Variants in ERN1 observed in about 807,000 individuals in gnomAD.
ERN1 encodes the protein endoplasmic reticulum to nucleus signaling 1, also known as serine/threonine-protein kinase/endoribonuclease IRE1.
A neutral mutation model predicts 113.1 loss-of-function variants in ERN1; 39 were observed. The ratio of observed to expected loss-of-function variants is 0.34; its 90% CI spans 0.27 to 0.45. The LOEUF is 0.45. Ranked by LOEUF, ERN1 falls within the 20% of genes least tolerant of loss-of-function variation. The pLI is 1.00. For missense variants in ERN1, 976 were observed against 1,274.8 expected (o/e 0.77, Z 3.57); for synonymous variants, 507 against 515.9 (o/e 0.98, Z 0.23).
chr17:64,048,959 G>A, intron 18 of ERN1, 96 bp downstream of exon 18: 2 of 1,261,520 alleles, frequency 1.6e-6, no homozygotes, highest in Non-Finnish European at 1.1e-6. Flanking sequence ...GGGCACCACG[G>A]CCTCTGTGAG....
intron 2 of ERN1, among the ~76,000 whole-genome samples, chr17:64,084,650 C>T (rs148998728): frequency 1.3e-5 from 2 of 152,306 alleles, no homozygotes; most frequent in East Asian, 3.9e-4. Context: ...AGGCATAAAT[C>T]AGATTAAGCT....
chr17:64,044,120 T>C lies in ERN1; in HGVS notation c.2802A>G (p.Thr934=), dbSNP rs196912. Reference sequence around the variant, plus strand: ...GTGCGAGGAGGTGGGGGAAGCGAGATGTGAAGTAGCACACGAAGTCGTCGG... The same window carrying C: ...GTGCGAGGAGGTGGGGGAAGCGAGACGTGAAGTAGCACACGAAGTCGTCGG... ...SLPDDFVCYF[T]SRFPHLLAHT... is the part of the protein sequence containing the mutation. Residue 934 remains threonine (T), a synonymous_variant, in exon 22 of 22, where the codon ACA becomes ACG. Transcript: ENST00000433197. The surrounding 1 kb of genome is among the most constrained non-coding windows in gnomAD (Gnocchi z 4.1). 1,167,929 of 1,609,910 alleles carry C rather than the reference T, an allele frequency of 0.73. 433,215 individuals carry two copies. The highest frequency in any genetic ancestry group is 0.76 in the Non-Finnish European group (896,036 of 1,177,766).
intron 9 of ERN1, among the ~76,000 whole-genome samples, chr17:64,064,666 C>T (rs1477932874): frequency 3.3e-5 from 5 of 152,176 alleles, no homozygotes; most frequent in Non-Finnish European, 5.9e-5. Context: ...AGGATTATGA[C>T]GCCTTGGACT....
chr17:64,125,117 T>C (rs1407383257), intron 1 of ERN1, among the ~76,000 whole-genome samples: 1 of 152,344 alleles, frequency 6.6e-6, no homozygotes, highest in East Asian at 1.9e-4. Context: ...AATGGGTGAA[T>C]TGTGATGATA....
intron 2 of ERN1, among the ~76,000 whole-genome samples, chr17:64,086,018 A>G (rs1385214608): frequency 6.6e-6 from 1 of 152,142 alleles, no homozygotes; most frequent in Non-Finnish European, 1.5e-5. Flanking sequence ...ACATCTCTAT[A>G]AAGGGACAAT....
chr17:64,098,537 C>T (rs748665158), intron 1 of ERN1: 2 of 605,132 alleles, frequency 3.3e-6, no homozygotes, highest in East Asian at 3.9e-5. Context: ...AAAGTATGCT[C>T]AGCTTTCTGA....
intron 1 of ERN1, among the ~76,000 whole-genome samples, chr17:64,114,290 A>T (rs1385804170): frequency 6.6e-6 from 1 of 152,222 alleles, no homozygotes; most frequent in East Asian, 1.9e-4. Context: ...CAATAATGAC[A>T]CAAACATAAA....
rs899177745 is a variant in ERN1 at position 64,041,092 on chromosome 17, G to A, written c.*2896C>T. 1 of 152,292 alleles carries A rather than the reference G, an allele frequency of 6.6e-6. No homozygotes were observed. The allele number at this position is 152,292 out of a possible 1,614,324, so 9.4% of individuals were successfully genotyped here. On this transcript the variant is annotated 3_prime_UTR_variant, in exon 22 of 22. Transcript: ENST00000433197. ...GAACCAAGGAGGCGGAGGTTGCAGT[G>A]AGCTGAGGTCGTGCCACTGCACTCC...
Position 64,130,062 on chromosome 17 carries a change from A to T in ERN1, c.-33T>A, listed in dbSNP as rs766177560. ...ACTCGGCCCTGGCTCCGGGGGCGGTACGGACAGAGGACGGGGCGGGGGCGC... is the reference window on the plus strand; with the variant it reads ...ACTCGGCCCTGGCTCCGGGGGCGGTTCGGACAGAGGACGGGGCGGGGGCGC... On this transcript the variant is annotated 5_prime_UTR_variant, in exon 1 of 22. Transcript: ENST00000433197. The surrounding 1 kb of genome is among the most constrained non-coding windows in gnomAD (Gnocchi z 4.0). 7.3e-7 allele frequency: 1 copy of T among 1,373,138 alleles called. No homozygotes were observed. The highest frequency in any genetic ancestry group is 9.3e-7 in the Non-Finnish European group (1 of 1,070,728). The allele number at this position is 1,373,138 out of a possible 1,614,324, so 85.1% of individuals were successfully genotyped here.
chr17:64,064,650 A>C (rs1416580894), intron 9 of ERN1, among the ~76,000 whole-genome samples: 2 of 152,220 alleles, frequency 1.3e-5, no homozygotes. Context: ...ATCAGGACAA[A>C]CAGCTAGGAT....
At chr17:64,073,024 G>C (rs1229764420) in intron 5 of ERN1, among the ~76,000 whole-genome samples, 1 of 79,174 alleles carries the variant, frequency 1.3e-5, no homozygotes, top group African/African-American at 5.5e-5. Context: ...TTTTTTTTTT[G>C]AGACAGAGTC....
At chr17:64,108,051 T>C (rs768694884) in intron 1 of ERN1, among the ~76,000 whole-genome samples, 5 of 152,216 alleles carry the variant, frequency 3.3e-5, no homozygotes, top group Non-Finnish European at 7.3e-5. Context: ...AAGGCCTAAC[T>C]GAACAGCACT....
chr17:64,080,829 G>GCCA, intron 2 of ERN1, 21 bp from the exon 3 acceptor site: 1 of 1,605,788 alleles, frequency 6.2e-7, no homozygotes, highest in Non-Finnish European at 8.5e-7. Context: ...GAACAACAAA[G>GCCA]CCATCATCAG....
intron 1 of ERN1, among the ~76,000 whole-genome samples, chr17:64,118,529 G>C (rs1265153338): frequency 6.6e-6 from 1 of 152,196 alleles, no homozygotes; most frequent in Non-Finnish European, 1.5e-5. Flanking sequence ...TTCAGGCCAG[G>C]TGCCAAGCCC....
chr17:64,075,358 C>T lies in ERN1; in HGVS notation c.283-111G>A. On this transcript the variant is annotated intron_variant, in intron 4 of 21. Transcript: ENST00000433197. ...CCTAATTCTGCTAAAAAGAGAGAAG[C>T]ACTTTGCAGATGAGAGTTTTCCTAA... 3 of 920,396 alleles carry T rather than the reference C, an allele frequency of 3.3e-6. No individual in the cohort carries two copies. In the East Asian group the frequency reaches 8.7e-5, roughly 27 times the overall value. The allele number at this position is 920,396 out of a possible 1,614,324, so 57.0% of individuals were successfully genotyped here.
chr17:64,053,368 C>A lies in ERN1; in HGVS notation c.1957G>T (p.Val653Leu). The change falls in exon 16 of 22, where the codon GTG (valine) becomes TTG (leucine). Residue 653 changes from valine (V) to leucine (L), a missense_variant. Physicochemically the swap from Val to Leu is conservative, Grantham distance 32 (BLOSUM62 1). Coordinates refer to ENST00000433197, the MANE Select transcript of ERN1 (RefSeq NM_001433.5). ...ELCAATLQEY[V>L]EQKDFAHLGL... Reference sequence around the variant, plus strand: ...AGATGCGCAAAGTCCTTCTGCTCCACATACTGCAAAAGACATGACAGCAAG... The same window carrying A: ...AGATGCGCAAAGTCCTTCTGCTCCAAATACTGCAAAAGACATGACAGCAAG... The A allele has an allele frequency of 6.2e-7, 1 of 1,603,336 alleles. No individual in the cohort carries two copies. Among genetic ancestry groups the A allele is most frequent in the South Asian group, 1.1e-5 (1 of 89,886 alleles).
At chr17:64,081,356 T>C (rs196955) in intron 2 of ERN1, among the ~76,000 whole-genome samples, 88,100 of 152,030 alleles carry the variant, frequency 0.58, 30,142 homozygotes, top group South Asian at 0.77. Flanking sequence ...CATTGCATTT[T>C]TATAAAATCT....
At chr17:64,095,272 T>C in intron 2 of ERN1, among the ~76,000 whole-genome samples, 1 of 151,798 alleles carries the variant, frequency 6.6e-6, no homozygotes, top group East Asian at 1.9e-4. Flanking sequence ...CTACTGAAAA[T>C]ACAAAAATTA....
rs1029658817 is a variant in ERN1, at chr17:64,116,439, T to C, written c.54+13537A>G. Among the ~76,000 whole-genome samples the C allele has an allele frequency of 2.6e-5, 4 of 152,252 alleles. No homozygotes were observed. The East Asian group carries it at 7.7e-4, about 29-fold the overall frequency. ...ATATAAAGGAAACCGTTTTCTTCTTTGCAAAACCAGCTCATGGCAAGTGGA... is the reference window on the plus strand; with the variant it reads ...ATATAAAGGAAACCGTTTTCTTCTTCGCAAAACCAGCTCATGGCAAGTGGA... On this transcript the variant is annotated intron_variant, in intron 1 of 21. Coordinates refer to ENST00000433197, the MANE Select transcript of ERN1 (RefSeq NM_001433.5).
Sources: gnomAD v4.1 joint callset for allele counts (sites outside exome capture counted in the v4.1 genomes callset) on GRCh38, gnomAD v4.1.1 for gene constraint, Gnocchi (gnomAD v3.1) non-coding constraint, MANE v1.5 for transcripts, NCBI Gene and HGNC (gene_info 2026-07-23, HGNC 2026-07-21) for gene names.